CDH22: variants seen among roughly 807,000 people sequenced by gnomAD.
CDH22 encodes cadherin 22, also known as cadherin-22.
Under a neutral mutation model 58.4 loss-of-function variants are expected in CDH22, and 30 were observed. The ratio of observed to expected loss-of-function variants is 0.51; its 90% CI spans 0.38 to 0.70. CDH22 has a LOEUF of 0.70. Ranked by LOEUF, CDH22 falls within the 30% of genes least tolerant of loss-of-function variation. The pLI is 0.00. For synonymous variants in CDH22, 513 were observed against 558.2 expected (o/e 0.92, Z 1.14); for missense variants, 1,014 against 1,233.9 (o/e 0.82, Z 2.67).
intron 1 of CDH22, among the ~76,000 whole-genome samples, chr20:46,289,476 C>T (rs2086591049): frequency 6.6e-6 from 1 of 152,140 alleles, no homozygotes; most frequent in African/African-American, 2.4e-5. Context: ...AATAGGTGCT[C>T]AGTGGATATT....
chr20:46,275,332 A>G (rs2086512505), intron 1 of CDH22, among the ~76,000 whole-genome samples: 2 of 151,996 alleles, frequency 1.3e-5, no homozygotes, highest in Admixed American at 6.5e-5. Flanking sequence ...TCCTTTCCCC[A>G]TATCTGTGGG....
At chr20:46,219,227 C>T (rs541680516) in intron 4 of CDH22, among the ~76,000 whole-genome samples, 24 of 152,286 alleles carry the variant, frequency 1.6e-4, no homozygotes, top group Admixed American at 9.2e-4. Context: ...GCCTTCTCAA[C>T]GCCTCAGTAG....
chr20:46,264,991 C>T (rs886818429), intron 1 of CDH22, among the ~76,000 whole-genome samples: 1 of 152,208 alleles, frequency 6.6e-6, no homozygotes, highest in African/African-American at 2.4e-5. Context: ...GAACCCTCCA[C>T]CTCAGGTGCC....
At chr20:46,181,756 T>TTCCTTCC (rs1410990843) in intron 10 of CDH22, among the ~76,000 whole-genome samples, 1,605 of 27,204 alleles carry the variant, frequency 0.059, 15 homozygotes, top group Non-Finnish European at 0.074. Context: ...TCCTTCCTTC[T>TTCCTTCC]TTCTTTCTTT....
At chr20:46,197,895 G>A (rs1208073047) in intron 8 of CDH22, among the ~76,000 whole-genome samples, 4 of 152,150 alleles carry the variant, frequency 2.6e-5, no homozygotes. Context: ...GCTAGGGGAG[G>A]AGGAAGAGGG....
At chr20:46,232,405 A>C (rs1023309496) in intron 3 of CDH22, among the ~76,000 whole-genome samples, 9 of 152,160 alleles carry the variant, frequency 5.9e-5, no homozygotes, top group African/African-American at 1.7e-4. Context: ...AATGGAGATA[A>C]CACTTTATCA....
chr20:46,231,157 C>T (rs1600708060), intron 3 of CDH22, among the ~76,000 whole-genome samples: 1 of 152,230 alleles, frequency 6.6e-6, no homozygotes, highest in East Asian at 1.9e-4. Flanking sequence ...GTGCTGCTGC[C>T]CAGCCCTTCT....
chr20:46,186,875 A>G lies in CDH22; in HGVS notation c.1496T>C (p.Leu499Pro), dbSNP rs1179335067. The G allele has an allele frequency of 6.2e-7, 1 of 1,612,208 alleles. No homozygotes were observed. The highest frequency in any genetic ancestry group is 1.7e-5 in the Admixed American group (1 of 59,786). The change falls in exon 9 of 12, where the codon CTG becomes CCG. Residue 499 changes from leucine (L) to proline (P), a missense_variant. Physicochemically the swap from Leu to Pro is moderately conservative, Grantham distance 98. This residue lies in a region of CDH22 where 806 missense variants were observed against 1,038.7 expected (regional missense o/e 0.78). Transcript: ENST00000537909. ...ILDVNDNPPE[L>P]ATPYEAAVCE... Reference sequence around the variant, plus strand: ...TACAGCTGCCTCGTAGGGTGTGGCCAGTTCTGGGGGATTGTCGTTCACATC... The same window carrying G: ...TACAGCTGCCTCGTAGGGTGTGGCCGGTTCTGGGGGATTGTCGTTCACATC...
At chr20:46,273,778 G>A (rs2086504065) in intron 1 of CDH22, among the ~76,000 whole-genome samples, 1 of 152,252 alleles carries the variant, frequency 6.6e-6, no homozygotes, top group South Asian at 2.1e-4. Flanking sequence ...GGACTCACAG[G>A]AAGTGGACAT....
At chr20:46,191,305 A>T (rs145000025) in intron 8 of CDH22, among the ~76,000 whole-genome samples, 164 of 152,240 alleles carry the variant, frequency 1.1e-3, no homozygotes, top group Non-Finnish European at 1.9e-3. Context: ...GCACGTGCAA[A>T]GGCCCTGGGG....
chr20:46,236,502 T>C (rs1444702454), intron 3 of CDH22, among the ~76,000 whole-genome samples: 1 of 141,126 alleles, frequency 7.1e-6, no homozygotes, highest in South Asian at 2.1e-4. Context: ...AATATATAGA[T>C]ATATATTTAA....
At chr20:46,256,447 G>A (rs2086406949) in intron 1 of CDH22, among the ~76,000 whole-genome samples, 1 of 152,182 alleles carries the variant, frequency 6.6e-6, no homozygotes, top group Admixed American at 6.5e-5. Context: ...CACAAAGCTG[G>A]GAGAAGAGGG....
intron 2 of CDH22, 132 bp downstream of exon 2, chr20:46,250,908 T>C (rs1467406399): frequency 3.3e-6 from 2 of 607,106 alleles, no homozygotes; most frequent in Non-Finnish European, 5.8e-6. Flanking sequence ...CCCTTATCAG[T>C]CCTTGGCTAG....
intron 10 of CDH22, among the ~76,000 whole-genome samples, chr20:46,178,719 C>A (rs965270893): frequency 1.1e-4 from 16 of 151,300 alleles, no homozygotes; most frequent in Non-Finnish European, 2.2e-4. Context: ...TGGGCCCTGA[C>A]AAGTCCTGGG....
In CDH22 at chr20:46,186,618, T is replaced by A; in HGVS notation, c.1633A>T (p.Asn545Tyr). The A allele has an allele frequency of 2.5e-6, 4 of 1,612,656 alleles. No individual in the cohort carries two copies. The highest frequency in any genetic ancestry group is 3.4e-6 in the Non-Finnish European group (4 of 1,179,902). The change falls in exon 10 of 12, where the codon AAC becomes TAC. Residue 545 changes from asparagine to tyrosine, a missense_variant. By Grantham distance (143) the Asn-to-Tyr change is moderately radical (BLOSUM62 -2). Around this residue, in one of 2 missense-constraint regions of CDH22, gnomAD observed 806 missense variants for 1,038.7 expected, o/e 0.78. Coordinates refer to ENST00000537909, the MANE Select transcript of CDH22 (RefSeq NM_021248.3). Reference sequence around the variant, plus strand: ...ATGTCAAGCAGAGAGAAATGAGGGTTGCTGGGAGCTTCAGGCACCAGGCGG... The same window carrying A: ...ATGTCAAGCAGAGAGAAATGAGGGTAGCTGGGAGCTTCAGGCACCAGGCGG... ...YFRLVPEAPS[N>Y]PHFSLLDIQD...
At chr20:46,193,054 G>A (rs907459551) in intron 8 of CDH22, among the ~76,000 whole-genome samples, 116 of 152,198 alleles carry the variant, frequency 7.6e-4, no homozygotes, top group African/African-American at 2.7e-3. Flanking sequence ...AGGAAGGGGT[G>A]GGGGAGGACT....
At chr20:46,299,280 C>T (rs1013646313) in intron 1 of CDH22, among the ~76,000 whole-genome samples, 7 of 152,218 alleles carry the variant, frequency 4.6e-5, no homozygotes, top group African/African-American at 1.7e-4. Flanking sequence ...AACACCTCCA[C>T]CTGCAGCAGC....
At chr20:46,181,752 C>CGTTCCTTCTTTCTTTCTTTCTTTCTTTCT (rs2085788129) in intron 10 of CDH22, among the ~76,000 whole-genome samples, 1 of 26,272 alleles carries the variant, frequency 3.8e-5, no homozygotes, top group Non-Finnish European at 8.3e-5. Flanking sequence ...TCCTTCCTTC[C>CGTTCCTTCTTTCTTTCTTTCTTTCTTTCT]TTCTTTCTTT....
intron 10 of CDH22, among the ~76,000 whole-genome samples, chr20:46,180,097 G>A (rs923428825): frequency 3.3e-5 from 5 of 152,226 alleles, no homozygotes; most frequent in East Asian, 1.9e-4. Context: ...CACTTGTCAC[G>A]TTGTGTTAAG....
Sources: allele counts gnomAD v4.1 joint callset (sites outside exome capture counted in the v4.1 genomes callset), GRCh38; gene constraint gnomAD v4.1.1; regional missense constraint gnomAD v4.1.1; transcripts MANE v1.5; gene names NCBI Gene and HGNC (gene_info 2026-07-23, HGNC 2026-07-21).